PCSK6: variants seen among roughly 807,000 people sequenced by gnomAD.
PCSK6 encodes paired basic amino acid cleaving enzyme 4.
Under a neutral mutation model 123.3 loss-of-function variants are expected in PCSK6, and 85 were observed. That is an observed-to-expected ratio of 0.69 (90% CI 0.58 to 0.83). The LOEUF is 0.83. Among genes scored for constraint, PCSK6 ranks in the 40% least tolerant of loss-of-function variants. PCSK6 has a pLI of 0.00. For synonymous variants in PCSK6, 508 were observed against 516.0 expected (o/e 0.98, Z 0.21); for missense variants, 1,191 against 1,282.3 (o/e 0.93, Z 1.09).
intron 16 of PCSK6, among the ~76,000 whole-genome samples, chr15:101,325,527 C>T (rs1048476653): frequency 6.6e-6 from 1 of 152,344 alleles, no homozygotes; most frequent in East Asian, 1.9e-4. Flanking sequence ...TGCCTGAGCC[C>T]TCATGGGTGT....
intron 8 of PCSK6, among the ~76,000 whole-genome samples, chr15:101,391,289 T>C (rs1417507508): frequency 1.3e-5 from 2 of 152,218 alleles, no homozygotes; most frequent in Admixed American, 1.3e-4. Context: ...CTGAATGTAC[T>C]TGGGCTTGGT....
intron 6 of PCSK6, among the ~76,000 whole-genome samples, chr15:101,412,967 A>G (rs12898872): frequency 0.3 from 45,107 of 149,406 alleles, 7,319 homozygotes; most frequent in African/African-American, 0.42. Context: ...CAGCCTGAGC[A>G]ACACAGCGAG....
At chr15:101,481,180 CA>C (rs1427114841) in intron 1 of PCSK6, among the ~76,000 whole-genome samples, 1 of 152,212 alleles carries the variant, frequency 6.6e-6, no homozygotes, top group Non-Finnish European at 1.5e-5. Flanking sequence ...CAGAAACAGG[CA>C]AGCCAGCAGG....
At chr15:101,401,285 T>TGG (rs2042576844) in intron 6 of PCSK6, among the ~76,000 whole-genome samples, 4 of 152,204 alleles carry the variant, frequency 2.6e-5, no homozygotes, top group Non-Finnish European at 5.9e-5. Context: ...GGAAGAGCCA[T>TGG]CTCTTCATAG....
intron 10 of PCSK6, among the ~76,000 whole-genome samples, chr15:101,383,358 C>G (rs1271068100): frequency 7.1e-6 from 1 of 141,332 alleles, no homozygotes; most frequent in South Asian, 2.2e-4. Flanking sequence ...TGCAGTGAGC[C>G]GAGATCGTGC....
intron 13 of PCSK6, among the ~76,000 whole-genome samples, chr15:101,351,322 T>C (rs555701490): frequency 6.6e-6 from 1 of 152,394 alleles, no homozygotes; most frequent in South Asian, 2.1e-4. Flanking sequence ...GGTATTACAC[T>C]GTGAACAGCT....
chr15:101,404,143 T>C (rs893961750), intron 6 of PCSK6, among the ~76,000 whole-genome samples: 1 of 152,136 alleles, frequency 6.6e-6, no homozygotes, highest in African/African-American at 2.4e-5. Flanking sequence ...ATGGTAGCTC[T>C]AGACAAACAG....
chr15:101,403,338 G>A (rs1596297528), intron 6 of PCSK6, among the ~76,000 whole-genome samples: 3 of 150,578 alleles, frequency 2.0e-5, no homozygotes, highest in East Asian at 2.0e-4. Context: ...CAGTTAATGG[G>A]TGCAGCACAC....
intron 6 of PCSK6, among the ~76,000 whole-genome samples, chr15:101,417,020 G>C (rs984056364): frequency 2.6e-5 from 4 of 152,212 alleles, no homozygotes; most frequent in African/African-American, 4.8e-5. Flanking sequence ...TGTGAGAAGA[G>C]GGCCACCATC....
chr15:101,409,154 C>T (rs1239785856), intron 6 of PCSK6, among the ~76,000 whole-genome samples: 1 of 152,204 alleles, frequency 6.6e-6, no homozygotes, highest in South Asian at 2.1e-4. Flanking sequence ...TGTGGACTGG[C>T]GATGCTTCTG....
intron 9 of PCSK6, among the ~76,000 whole-genome samples, chr15:101,387,378 C>T (rs1429079080): frequency 6.6e-6 from 1 of 152,200 alleles, no homozygotes; most frequent in East Asian, 1.9e-4. Context: ...GCAGGGCGTA[C>T]TCGAAGACGG....
chr15:101,307,223 C>T lies in PCSK6; in HGVS notation c.2802G>A (p.Thr934=), dbSNP rs371051146. The part of the protein sequence containing the change: ...QLGTSCITNH[T]CSNADETFCE... Reference sequence around the variant, plus strand: ...CCAGCTGCTGCTCACCGTTGCTGCACGTGTGGTTGGTGATGCAGGAGGTCC... The same window carrying T: ...CCAGCTGCTGCTCACCGTTGCTGCATGTGTGGTTGGTGATGCAGGAGGTCC... Residue 934 remains threonine (T), a synonymous_variant, in exon 21 of 22, where the codon ACG becomes ACA. Transcript: ENST00000611716. 6.8e-5 allele frequency: 110 copies of T among 1,612,502 alleles called. No individual in the cohort carries two copies. The highest frequency in any genetic ancestry group is 8.9e-5 in the Non-Finnish European group (105 of 1,178,850).
chr15:101,372,446 C>A (rs2041614369), intron 11 of PCSK6, among the ~76,000 whole-genome samples: 1 of 152,224 alleles, frequency 6.6e-6, no homozygotes, highest in African/African-American at 2.4e-5. Context: ...ACACGCTTTG[C>A]ATGCACCATA....
At chr15:101,461,242 C>T (rs1031979098) in intron 1 of PCSK6, among the ~76,000 whole-genome samples, 1 of 152,152 alleles carries the variant, frequency 6.6e-6, no homozygotes, top group African/African-American at 2.4e-5. Context: ...TGCCGTTACA[C>T]TCATAATTCT....
At chr15:101,436,134 C>G (rs2056593495) in intron 2 of PCSK6, among the ~76,000 whole-genome samples, 1 of 152,170 alleles carries the variant, frequency 6.6e-6, no homozygotes, top group South Asian at 2.1e-4. Flanking sequence ...TCTGCCCTAA[C>G]TTCAAGCCTG....
Position 101,395,782 on chromosome 15 carries a change from C to T in PCSK6, c.997-2358G>A, listed in dbSNP as rs373939668. Among the ~76,000 whole-genome samples the T allele has an allele frequency of 3.9e-5, 6 of 152,284 alleles. No homozygotes were observed. The South Asian group carries it at 1.0e-3, about 26-fold the overall frequency. ...GTTCATTTCATGAGCTCAGAAGCAC[C>T]GCGACTGAGGGCCAGCAAACACCGG... On this transcript the variant is annotated intron_variant, in intron 7 of 21. Coordinates refer to ENST00000611716, the MANE Select transcript of PCSK6 (RefSeq NM_002570.5).
chr15:101,344,243 C>G (rs1183158736), intron 13 of PCSK6, among the ~76,000 whole-genome samples: 8 of 152,168 alleles, frequency 5.3e-5, no homozygotes, highest in Admixed American at 5.2e-4. Flanking sequence ...TGCTAAATCT[C>G]TCCCTCCTGT....
intron 11 of PCSK6, among the ~76,000 whole-genome samples, chr15:101,376,498 A>G (rs2041746964): frequency 6.6e-6 from 1 of 152,234 alleles, no homozygotes; most frequent in South Asian, 2.1e-4. Context: ...AGCTCGGTCT[A>G]TATGGACAGG....
In PCSK6 at chr15:101,436,422, C is replaced by A. The variant is rs529764847; in HGVS notation, c.403-4322G>T. 3.9e-5 allele frequency among the ~76,000 whole-genome samples: 6 copies of A among 152,328 alleles called. No individual in the cohort carries two copies. In the South Asian group the frequency reaches 1.0e-3, roughly 26 times the overall value. On this transcript the variant is annotated intron_variant, in intron 2 of 21. Coordinates refer to ENST00000611716, the MANE Select transcript of PCSK6 (RefSeq NM_002570.5). ...TGTAGCCAACGCAAGGGAGACAGCT[C>A]GGCCAGCTCTTTCTTTTCTCTTTTC...
Sources: gnomAD v4.1 joint callset for allele counts (sites outside exome capture counted in the v4.1 genomes callset) on GRCh38, gnomAD v4.1.1 for gene constraint, MANE v1.5 for transcripts, NCBI Gene and HGNC (gene_info 2026-07-23, HGNC 2026-07-21) for gene names.